The following DOT1L variants were observed in gnomAD, a reference collection of about 807,000 sequenced individuals.
The protein encoded by DOT1L is DOT1 like histone lysine methyltransferase.
DOT1L carries 33 observed loss-of-function variants against 153.3 expected under a neutral mutation model. The ratio of observed to expected loss-of-function variants is 0.22; its 90% CI spans 0.16 to 0.29. The LOEUF (loss-of-function observed/expected upper bound fraction) is 0.29, where lower values mean the gene tolerates loss of function less well. Among genes scored for constraint, DOT1L ranks in the 10% least tolerant of loss-of-function variants. The pLI, the probability that DOT1L is intolerant of heterozygous loss-of-function variation, is 1.00. For missense variants in DOT1L, 1,847 were observed against 2,119.9 expected (o/e 0.87, Z 2.53); for synonymous variants, 1,135 against 965.1 (o/e 1.18, Z -3.26).
At chr19:2,227,600 G>T in intron 27 of DOT1L, 1 of 1,015,434 alleles carries the variant, frequency 9.8e-7, no homozygotes, top group South Asian at 1.6e-5. Context: ...GCCTGGCCGA[G>T]CCGCTGCTTG....
intron 16 of DOT1L, chr19:2,212,260 T>A (rs1320088560): frequency 1.9e-5 from 3 of 155,708 alleles, no homozygotes; most frequent in Non-Finnish European, 4.3e-5. Flanking sequence ...CCTCCCGGGT[T>A]CACGCCATTC....
Position 2,191,302 on chromosome 19 carries a change from C to T in DOT1L, c.493+62C>T, listed in dbSNP as rs1182232845. ...TCCAGGCCACACGCTCTGTGCCTGC[C>T]CCATGCCTGCTTGGAGAAGAGTTTA... On this transcript the variant is annotated intron_variant, in intron 5 of 27. Coordinates refer to ENST00000398665, the MANE Select transcript of DOT1L (RefSeq NM_032482.3). This position sits in a 1 kb window ranked among gnomAD's most constrained non-coding sequence, Gnocchi z 6.8. The T allele has an allele frequency of 1.3e-6, 2 of 1,511,136 alleles. No individual in the cohort carries two copies. Among genetic ancestry groups the T allele is most frequent in the African/African-American group, 1.4e-5 (1 of 72,848 alleles). 93.6% of individuals were successfully genotyped at this position (1,511,136 alleles called of 1,614,324 possible). A position where few individuals can be genotyped will look rare whatever the true frequency, so the allele number is the denominator to read the frequency against.
chr19:2,173,228 C>G (rs919646449), intron 1 of DOT1L, among the ~76,000 whole-genome samples: 4 of 151,972 alleles, frequency 2.6e-5, no homozygotes, highest in Non-Finnish European at 5.9e-5. Flanking sequence ...CCCACGAGTC[C>G]CGCGCTTTCC....
chr19:2,209,068 C>T lies in DOT1L; in HGVS notation c.1005+92C>T, dbSNP rs56110863. The T allele has an allele frequency of 8.3e-6, 12 of 1,440,746 alleles. No homozygotes were observed. The African/African-American group carries it at 8.6e-5, about 10-fold the overall frequency. The allele number at this position is 1,440,746 out of a possible 1,614,324, so 89.2% of individuals were successfully genotyped here. ...CGTGCGCAGCCGGGTTCAGGAGCCA[C>T]GACTGGAGCACAGCCCTGCCGCCCC... On this transcript the variant is annotated intron_variant, in intron 12 of 27. Transcript: ENST00000398665.
intron 23 of DOT1L, 185 bp from the exon 24 acceptor site, chr19:2,221,791 C>T (rs1401437865): frequency 1.6e-6 from 1 of 638,144 alleles, no homozygotes; most frequent in Non-Finnish European, 2.7e-6. Context: ...CAGCCCTGAG[C>T]CTTGAGCTTG....
At position 2,220,080 on chromosome 19, in the gene DOT1L, C is replaced by G. The variant is rs764441588; in HGVS notation, c.2692-28C>G. ...TGGGTCTCCTGGGGCACCTGCTGCC[C>G]CTGACACACAGGGTTTTCTCTCTGC... On this transcript the variant is annotated intron_variant, in intron 22 of 27. Coordinates refer to ENST00000398665, the MANE Select transcript of DOT1L (RefSeq NM_032482.3). This position sits in a 1 kb window ranked among gnomAD's most constrained non-coding sequence, Gnocchi z 4.5. The G allele has an allele frequency of 7.6e-6, 12 of 1,577,928 alleles. No individual in the cohort carries two copies. Among genetic ancestry groups the G allele is most frequent in the Non-Finnish European group, 2.6e-6 (3 of 1,156,508 alleles).
chr19:2,213,938 G>A lies in DOT1L; in HGVS notation c.1749G>A (p.Glu583=), dbSNP rs753334616. ...AHNQQLREQS[E]QLEQDNRALR... is the part of the protein sequence containing the mutation. ...ACCAGCAGCTGCGGGAGCAGTCGGA[G>A]CAGCTGGAGCAGGACAACCGCGCGC... Residue 583 remains glutamate (E), a synonymous_variant, in exon 18 of 28, where the codon GAG becomes GAA. Transcript: ENST00000398665. 2 of 1,613,032 alleles carry A rather than the reference G, an allele frequency of 1.2e-6. No individual in the cohort carries two copies. Among genetic ancestry groups the A allele is most frequent in the East Asian group, 2.2e-5 (1 of 44,892 alleles).
intron 27 of DOT1L, chr19:2,228,140 C>T (rs760988053): frequency 5.1e-6 from 7 of 1,364,876 alleles, no homozygotes; most frequent in South Asian, 2.3e-5. Context: ...CTGCTAACGC[C>T]TCTTTGTCTA....
intron 3 of DOT1L, among the ~76,000 whole-genome samples, chr19:2,187,808 G>GCTGC: frequency 6.6e-6 from 1 of 151,870 alleles, no homozygotes; most frequent in Admixed American, 6.6e-5. Context: ...TGTAGTCCCA[G>GCTGC]TTAGTCAGGA....
Position 2,222,655 on chromosome 19 carries a change from T to G in DOT1L, c.3390+96T>G, listed in dbSNP as rs1041606935. On this transcript the variant is annotated intron_variant, in intron 24 of 27. Transcript: ENST00000398665. The surrounding 1 kb of genome is among the most constrained non-coding windows in gnomAD (Gnocchi z 6.5). ...GTGGCTCACGCCTGTAATCCCAGCA[T>G]TTTGGGAGGCCGAGGCGGGTGGATC... 8.0e-7 allele frequency: 1 copy of G among 1,251,748 alleles called. No homozygotes were observed. The highest frequency in any genetic ancestry group is 1.5e-5 in the African/African-American group (1 of 66,114). The allele number at this position is 1,251,748 out of a possible 1,614,324, so 77.5% of individuals were successfully genotyped here. A position where few individuals can be genotyped will look rare whatever the true frequency, so the allele number is the denominator to read the frequency against.
At position 2,193,747 on chromosome 19, in the gene DOT1L, C is replaced by T. The variant is rs758962871; in HGVS notation, c.552C>T (p.Gly184=). ...AAATNCKHHY[G]VEKADIPAKY... Reference sequence around the variant, plus strand: ...CCACCAACTGCAAACATCACTATGGCGTCGAGAAAGCAGACATCCCGGCCA... The same window carrying T: ...CCACCAACTGCAAACATCACTATGGTGTCGAGAAAGCAGACATCCCGGCCA... The change falls in exon 6 of 28, where the codon GGC becomes GGT. Residue 184 remains glycine, a synonymous_variant. Coordinates refer to ENST00000398665, the MANE Select transcript of DOT1L (RefSeq NM_032482.3). The surrounding 1 kb of genome is among the most constrained non-coding windows in gnomAD (Gnocchi z 5.9). The T allele has an allele frequency of 8.7e-6, 14 of 1,614,062 alleles. No individual in the cohort carries two copies. Among genetic ancestry groups the T allele is most frequent in the African/African-American group, 1.3e-5 (1 of 75,028 alleles).
chr19:2,224,504 G>A (rs1350487178), intron 25 of DOT1L, among the ~76,000 whole-genome samples: 1 of 143,734 alleles, frequency 7.0e-6, no homozygotes, highest in Non-Finnish European at 1.5e-5. Flanking sequence ...GTTTTGGTCT[G>A]TGGCCCAGGC....
At chr19:2,224,397 A>G (rs924990305) in intron 25 of DOT1L, among the ~76,000 whole-genome samples, 2 of 150,566 alleles carry the variant, frequency 1.3e-5, no homozygotes, top group Non-Finnish European at 2.9e-5. Flanking sequence ...AACACACTGA[A>G]TTTCTTGTTT....
chr19:2,171,163 G>T (rs1185844196), intron 1 of DOT1L, among the ~76,000 whole-genome samples: 1 of 152,122 alleles, frequency 6.6e-6, no homozygotes, highest in Non-Finnish European at 1.5e-5. Flanking sequence ...TTGCTGTGTT[G>T]CCCCAGGCTA....
chr19:2,222,989 G>A lies in DOT1L; in HGVS notation c.3391-292G>A, dbSNP rs1599617180. The A allele has an allele frequency of 8.6e-6, 4 of 466,456 alleles. No individual in the cohort carries two copies. The East Asian group carries it at 1.1e-4, about 13-fold the overall frequency. 28.9% of individuals were successfully genotyped at this position (466,456 alleles called of 1,614,324 possible). On this transcript the variant is annotated intron_variant, in intron 24 of 27. Transcript: ENST00000398665. The surrounding 1 kb of genome is among the most constrained non-coding windows in gnomAD (Gnocchi z 6.5). ...GCCTGGGAAGAGGCGGCCGACAGCT[G>A]TCTCTGGGGTTCGGAGTGCGATGCG...
At chr19:2,210,371 TC>T in intron 12 of DOT1L, 28 bp from the exon 13 acceptor site, 3 of 1,488,066 alleles carry the variant, frequency 2.0e-6, no homozygotes, top group South Asian at 2.6e-5. Flanking sequence ...CGCTGGGGCT[TC>T]CTGTGGCTCA....
chr19:2,169,685 T>C (rs2020054490), intron 1 of DOT1L, among the ~76,000 whole-genome samples: 1 of 152,168 alleles, frequency 6.6e-6, no homozygotes, highest in South Asian at 2.1e-4. Flanking sequence ...AATCTGCTTG[T>C]TATCTGCTGC....
Position 2,189,751 on chromosome 19 carries a change from C to T in DOT1L, c.220C>T (p.Leu74Phe), listed in dbSNP as rs1347675545. Residue 74 changes from leucine (L) to phenylalanine (F), a missense_variant, in exon 4 of 28, where the codon CTC becomes TTC. Coordinates refer to ENST00000398665, the MANE Select transcript of DOT1L (RefSeq NM_032482.3). ...DTKSFESMQR[L>F]CDKYNRAIDS... ...TTTCAGCTTCGAGAGCATGCAGAGGCTCTGCGACAAGTACAACCGTGCCAT... is the reference window on the plus strand; with the variant it reads ...TTTCAGCTTCGAGAGCATGCAGAGGTTCTGCGACAAGTACAACCGTGCCAT... 6.2e-7 allele frequency: 1 copy of T among 1,611,780 alleles called. No individual in the cohort carries two copies. Among genetic ancestry groups the T allele is most frequent in the Non-Finnish European group, 8.5e-7 (1 of 1,180,004 alleles).
rs2022908242 is a variant in DOT1L at position 2,193,996 on chromosome 19, C to G, written c.588+213C>G. Among the ~76,000 whole-genome samples the G allele has an allele frequency of 6.6e-6, 1 of 152,140 alleles. No individual in the cohort carries two copies. Among genetic ancestry groups the G allele is most frequent in the South Asian group, 2.1e-4 (1 of 4,822 alleles). On this transcript the variant is annotated intron_variant, in intron 6 of 27. Transcript: ENST00000398665. The surrounding 1 kb of genome is among the most constrained non-coding windows in gnomAD (Gnocchi z 5.9). ...TTACAGGCCGGCCCTCCAGGCCTGT[C>G]CAAGCGCTGCAGGGGTGTCTCGGAG... is the stretch of plus-strand genomic sequence containing the variant.
Sources: allele counts gnomAD v4.1 joint callset (sites outside exome capture counted in the v4.1 genomes callset), GRCh38; gene constraint gnomAD v4.1.1; non-coding constraint Gnocchi (gnomAD v3.1); transcripts MANE v1.5; gene names NCBI Gene and HGNC (gene_info 2026-07-23, HGNC 2026-07-21).